SLC7A2: variants seen among roughly 807,000 people sequenced by gnomAD.
SLC7A2 encodes cationic amino acid transporter 2.
A neutral mutation model predicts 58.9 loss-of-function variants in SLC7A2; 48 were observed. The observed-to-expected ratio is 0.82, with a 90% confidence interval of 0.65 to 1.04. The LOEUF is 1.04. SLC7A2 is among the 50% of genes least tolerant of loss of function. SLC7A2 has a pLI of 0.00. For missense variants in SLC7A2, 1,029 were observed against 818.8 expected (o/e 1.26, Z -3.13); for synonymous variants, 363 against 314.5 (o/e 1.15, Z -1.63).
chr8:17,524,093 A>G (rs964240579), intron 2 of SLC7A2, among the ~76,000 whole-genome samples: 1 of 152,176 alleles, frequency 6.6e-6, no homozygotes, highest in South Asian at 2.1e-4. Context: ...TAATCAAGAA[A>G]TCAAAAAAGA....
chr8:17,539,118 G>C (rs563437451), intron 2 of SLC7A2, among the ~76,000 whole-genome samples: 7 of 152,192 alleles, frequency 4.6e-5, no homozygotes, highest in Non-Finnish European at 8.8e-5. Context: ...TGGAATCGTT[G>C]AAAGGAAGTT....
chr8:17,550,020 A>G (rs539937628), intron 5 of SLC7A2, among the ~76,000 whole-genome samples: 111 of 152,272 alleles, frequency 7.3e-4, no homozygotes, highest in Non-Finnish European at 1.2e-3. Context: ...TCTGCTCTCA[A>G]AATCCTCCCT....
upstream of SLC7A2, among the ~76,000 whole-genome samples, chr8:17,496,893 T>C (rs1293645069): frequency 6.6e-6 from 1 of 151,662 alleles, no homozygotes; most frequent in Non-Finnish European, 1.5e-5. Context: ...CGCCCACGTG[T>C]GCTCGGCTCC....
intron 3 of SLC7A2, among the ~76,000 whole-genome samples, chr8:17,544,059 G>A (rs767660653): frequency 1.3e-5 from 2 of 152,006 alleles, no homozygotes; most frequent in African/African-American, 4.8e-5. Flanking sequence ...TAGTAAAGAC[G>A]GGGTTTCACC....
intron 2 of SLC7A2, among the ~76,000 whole-genome samples, chr8:17,518,210 TTTTC>T (rs1800876252): frequency 6.9e-6 from 1 of 145,328 alleles, no homozygotes; most frequent in South Asian, 2.4e-4. Flanking sequence ...TTCATTTTTC[TTTTC>T]TTTCTTTTTT....
At chr8:17,503,484 T>C (rs939371531) in intron 2 of SLC7A2, among the ~76,000 whole-genome samples, 2 of 152,256 alleles carry the variant, frequency 1.3e-5, no homozygotes, top group East Asian at 3.8e-4. Context: ...CAAAGAGTAC[T>C]TATTATTCAT....
In SLC7A2 at chr8:17,531,852, T is replaced by C. The variant is rs541697293; in HGVS notation, c.-22-11466T>C. Reference sequence around the variant, plus strand: ...TAACAAAGAGGAAAATTTGGACTTCTAATTGATTTTAGAAGTGACTGATTA... The same window carrying C: ...TAACAAAGAGGAAAATTTGGACTTCCAATTGATTTTAGAAGTGACTGATTA... On this transcript the variant is annotated intron_variant, in intron 2 of 12. Transcript: ENST00000494857. 7.4e-4 allele frequency among the ~76,000 whole-genome samples: 112 copies of C among 152,152 alleles called. 2 individuals carry two copies. Among genetic ancestry groups the C allele is most frequent in the Non-Finnish European group, 7.4e-4 (50 of 68,022 alleles).
Position 17,502,845 on chromosome 8 carries a change from T to G in SLC7A2, c.-23+543T>G, listed in dbSNP as rs149612658. Among the ~76,000 whole-genome samples, 14 of 152,268 alleles carry G rather than the reference T, an allele frequency of 9.2e-5. No homozygotes were observed. The South Asian group carries it at 1.9e-3, about 20-fold the overall frequency. ...CGGCACACTGCTATAATACCATGAT[T>G]GGTTCTTACATGGGCAGTAAATAGT... is the stretch of plus-strand genomic sequence containing the variant. On this transcript the variant is annotated intron_variant, in intron 2 of 12. Coordinates refer to ENST00000494857, the MANE Select transcript of SLC7A2 (RefSeq NM_001370338.1).
In SLC7A2 at chr8:17,565,416, A is replaced by G. The variant is rs1004095039; in HGVS notation, c.*270A>G. On this transcript the variant is annotated 3_prime_UTR_variant, in exon 13 of 13. Coordinates refer to ENST00000494857, the MANE Select transcript of SLC7A2 (RefSeq NM_001370338.1). Reference sequence around the variant, plus strand: ...TATGTGTGTATGTATGTATCTATGTATATGCTTGGGAACATGAGTGTTACA... The same window carrying G: ...TATGTGTGTATGTATGTATCTATGTGTATGCTTGGGAACATGAGTGTTACA... 76 of 336,696 alleles carry G rather than the reference A, an allele frequency of 2.3e-4. 1 individual carries two copies. In the Admixed American group the frequency reaches 3.3e-3, roughly 15 times the overall value. The allele number at this position is 336,696 out of a possible 1,614,324, so 20.9% of individuals were successfully genotyped here. A position where few individuals can be genotyped will look rare whatever the true frequency, so the allele number is the denominator to read the frequency against.
intron 2 of SLC7A2, among the ~76,000 whole-genome samples, chr8:17,507,364 T>C (rs1318606123): frequency 6.6e-6 from 1 of 152,148 alleles, no homozygotes; most frequent in Non-Finnish European, 1.5e-5. Context: ...AATGTGTGTG[T>C]GTGTGTGCAT....
At chr8:17,543,168 T>C in intron 2 of SLC7A2, 150 bp from the exon 3 acceptor site, 1 of 700,998 alleles carries the variant, frequency 1.4e-6, no homozygotes, top group Non-Finnish European at 2.3e-6. Context: ...TCTGGGTCAC[T>C]GCATCTCTTC....
chr8:17,513,841 T>C (rs1800697951), intron 2 of SLC7A2, among the ~76,000 whole-genome samples: 1 of 152,170 alleles, frequency 6.6e-6, no homozygotes, highest in Non-Finnish European at 1.5e-5. Flanking sequence ...TCAGATTAAG[T>C]TATAGGTAAG....
chr8:17,503,547 T>A (rs186828024), intron 2 of SLC7A2, among the ~76,000 whole-genome samples: 1 of 152,184 alleles, frequency 6.6e-6, no homozygotes, highest in East Asian at 1.9e-4. Flanking sequence ...GTACTTGTCC[T>A]GACAAAAATT....
At chr8:17,563,308 C>G (rs1803109660) in intron 11 of SLC7A2, among the ~76,000 whole-genome samples, 1 of 152,110 alleles carries the variant, frequency 6.6e-6, no homozygotes, top group African/African-American at 2.4e-5. Context: ...TTTCAGAGGT[C>G]TCCCCTTTGT....
chr8:17,509,814 C>G (rs888839945), intron 2 of SLC7A2, among the ~76,000 whole-genome samples: 2 of 152,020 alleles, frequency 1.3e-5, no homozygotes, highest in Admixed American at 6.6e-5. Flanking sequence ...ACATGATATG[C>G]AGTATGAATA....
intron 2 of SLC7A2, among the ~76,000 whole-genome samples, chr8:17,515,376 A>G (rs372049442): frequency 4.0e-4 from 61 of 150,944 alleles, no homozygotes; most frequent in African/African-American, 1.3e-3. Flanking sequence ...GCTCACTGCA[A>G]CCTCCACCTC....
intron 2 of SLC7A2, among the ~76,000 whole-genome samples, chr8:17,537,480 A>G (rs1032433223): frequency 6.6e-6 from 1 of 152,182 alleles, no homozygotes; most frequent in Non-Finnish European, 1.5e-5. Context: ...AAGAGCTTCA[A>G]GAACATCTAA....
chr8:17,517,592 C>T (rs945148205), intron 2 of SLC7A2, among the ~76,000 whole-genome samples: 1 of 151,724 alleles, frequency 6.6e-6, no homozygotes, highest in African/African-American at 2.4e-5. Context: ...TTAATACAGA[C>T]TTAAGTCCTG....
intron 2 of SLC7A2, among the ~76,000 whole-genome samples, chr8:17,534,325 T>G (rs542151176): frequency 6.6e-6 from 1 of 152,282 alleles, no homozygotes; most frequent in East Asian, 1.9e-4. Context: ...ACAACAGTTG[T>G]GGTCATCTTT....
Sources: allele counts gnomAD v4.1 joint callset (sites outside exome capture counted in the v4.1 genomes callset), GRCh38; gene constraint gnomAD v4.1.1; transcripts MANE v1.5; gene names NCBI Gene and HGNC (gene_info 2026-07-23, HGNC 2026-07-21).